The following MCUR1 variants were observed in gnomAD, a reference collection of about 807,000 sequenced individuals.
The protein encoded by MCUR1 is MCU regulator 1.
MCUR1 carries 37 observed loss-of-function variants against 42.0 expected under a neutral mutation model. The observed-to-expected ratio is 0.88, with a 90% confidence interval of 0.68 to 1.16. The LOEUF is 1.16. Ranked by LOEUF, MCUR1 falls within the 50% of genes most tolerant of loss-of-function variation. MCUR1 has a pLI of 0.00. For missense variants in MCUR1, 469 were observed against 468.4 expected (o/e 1.00, Z -0.01); for synonymous variants, 229 against 196.2 (o/e 1.17, Z -1.40).
intron 3 of MCUR1, 87 bp downstream of exon 3, chr6:13,802,156 T>C: frequency 9.7e-7 from 1 of 1,027,928 alleles, no homozygotes; most frequent in East Asian, 2.5e-5. Context: ...CAACGGGGTA[T>C]TATCCAAAAA....
rs1312398863 is a variant in MCUR1, at chr6:13,790,473, T to TC, written c.*335_*336insG. 6.5e-6 allele frequency: 1 copy of TC among 154,520 alleles called. No individual in the cohort carries two copies. Among genetic ancestry groups the TC allele is most frequent in the African/African-American group, 2.4e-5 (1 of 41,498 alleles). 9.6% of individuals were successfully genotyped at this position (154,520 alleles called of 1,614,324 possible). ...ACAATCTGGTATTCCGGTTTTTTTT[T>TC]TTTTTTTGAGACGGAGTCTCGCTCT... On this transcript the variant is annotated 3_prime_UTR_variant, in exon 9 of 9. Transcript: ENST00000379170.
rs370419995 is a variant in MCUR1 at position 13,802,361 on chromosome 6, A to G, written c.536-15T>C. 16 of 1,604,684 alleles carry G rather than the reference A, an allele frequency of 1.0e-5. No homozygotes were observed. The highest frequency in any genetic ancestry group is 1.3e-5 in the Non-Finnish European group (15 of 1,172,482). On this transcript the variant is annotated splice_polypyrimidine_tract_variant and intron_variant, in intron 2 of 8. Transcript: ENST00000379170. Reference sequence around the variant, plus strand: ...AGTAGCAAACCCTAAGCAAGCACACAAGCAAAAAAAATCATGCTCAGAGTT... The same window carrying G: ...AGTAGCAAACCCTAAGCAAGCACACGAGCAAAAAAAATCATGCTCAGAGTT...
chr6:13,794,753 C>G (rs1759815908), intron 6 of MCUR1, among the ~76,000 whole-genome samples: 1 of 151,458 alleles, frequency 6.6e-6, no homozygotes, highest in Non-Finnish European at 1.5e-5. Flanking sequence ...CAGGTTCAAG[C>G]AATTCTCCTG....
At chr6:13,791,045 CTTATT>C (rs1317545428) in intron 8 of MCUR1, among the ~76,000 whole-genome samples, 181 bp from the exon 9 acceptor site, 1 of 152,074 alleles carries the variant, frequency 6.6e-6, no homozygotes, top group African/African-American at 2.4e-5. Context: ...ATTTTATTTT[CTTATT>C]TTAGAGACAT....
At chr6:13,799,367 T>C (rs1259377429) in intron 5 of MCUR1, among the ~76,000 whole-genome samples, 1 of 152,198 alleles carries the variant, frequency 6.6e-6, no homozygotes, top group East Asian at 1.9e-4. Flanking sequence ...GTATGTTTAG[T>C]AGAGATGGGG....
At chr6:13,794,346 G>A (rs1365636085) in intron 6 of MCUR1, among the ~76,000 whole-genome samples, 4 of 151,868 alleles carry the variant, frequency 2.6e-5, no homozygotes, top group African/African-American at 9.7e-5. Flanking sequence ...ATGTCTTTAG[G>A]TCCCTCCCAC....
Position 13,786,858 on chromosome 6 carries a change from TAG to T in MCUR1, c.*3949_*3950del, listed in dbSNP as rs1374173541. On this transcript the variant is annotated 3_prime_UTR_variant, in exon 9 of 9. Coordinates refer to ENST00000379170, the MANE Select transcript of MCUR1 (RefSeq NM_001031713.4). ...CAAAGGAACATAAGTGTAAAATGTGTAGAAAGATAAATATTTTCCAAATAAAA... is the reference window on the plus strand; with the variant it reads ...CAAAGGAACATAAGTGTAAAATGTGTAAAGATAAATATTTTCCAAATAAAA... 2.4e-3 allele frequency: 371 copies of T among 152,294 alleles called. 3 individuals are homozygous for T. Among genetic ancestry groups the T allele is most frequent in the African/African-American group, 8.7e-3 (360 of 41,564 alleles). 9.4% of individuals were successfully genotyped at this position (152,294 alleles called of 1,614,324 possible). A position where few individuals can be genotyped will look rare whatever the true frequency, so the allele number is the denominator to read the frequency against.
At chr6:13,803,520 A>T (rs1455283647) in intron 2 of MCUR1, among the ~76,000 whole-genome samples, 1 of 152,202 alleles carries the variant, frequency 6.6e-6, no homozygotes, top group African/African-American at 2.4e-5. Context: ...TTAATTGTGT[A>T]TTTCTTGGAA....
At chr6:13,807,997 T>C (rs997372310) in intron 1 of MCUR1, among the ~76,000 whole-genome samples, 1 of 152,212 alleles carries the variant, frequency 6.6e-6, no homozygotes, top group African/African-American at 2.4e-5. Flanking sequence ...GTTGAAAACT[T>C]AATCCCCAAA....
chr6:13,797,478 G>A (rs1317478011), intron 6 of MCUR1, among the ~76,000 whole-genome samples: 1 of 151,906 alleles, frequency 6.6e-6, no homozygotes, highest in African/African-American at 2.4e-5. Flanking sequence ...GAAGGCCGAG[G>A]TGGGCGGATC....
At position 13,789,647 on chromosome 6, in the gene MCUR1, C is replaced by T. The variant is rs1429232259; in HGVS notation, c.*1162G>A. On this transcript the variant is annotated 3_prime_UTR_variant, in exon 9 of 9. Coordinates refer to ENST00000379170, the MANE Select transcript of MCUR1 (RefSeq NM_001031713.4). ...GTATCCATCATCTAGGTATCTTATA[C>T]ATGGAGAGCTGACTGCATCCCTTGT... The T allele has an allele frequency of 7.9e-5, 12 of 152,142 alleles. No individual in the cohort carries two copies. The highest frequency in any genetic ancestry group is 5.9e-4 in the Admixed American group (9 of 15,254). The allele number at this position is 152,142 out of a possible 1,614,324, so 9.4% of individuals were successfully genotyped here. A position where few individuals can be genotyped will look rare whatever the true frequency, so the allele number is the denominator to read the frequency against.
Position 13,794,007 on chromosome 6 carries a change from T to C in MCUR1, c.856-60A>G, listed in dbSNP as rs1334449749. 3.3e-6 allele frequency: 5 copies of C among 1,510,604 alleles called. No individual in the cohort carries two copies. In the African/African-American group the frequency reaches 6.9e-5, roughly 21 times the overall value. The allele number at this position is 1,510,604 out of a possible 1,614,324, so 93.6% of individuals were successfully genotyped here. A position where few individuals can be genotyped will look rare whatever the true frequency, so the allele number is the denominator to read the frequency against. ...TCTACTCCTCTCTCTTCTCCTTCTC[T>C]GGTGCCTTAAATATTCTGGTCTCAG... On this transcript the variant is annotated intron_variant, in intron 6 of 8. Coordinates refer to ENST00000379170, the MANE Select transcript of MCUR1 (RefSeq NM_001031713.4).
rs1759673935 is a variant in MCUR1, at chr6:13,789,343, G to C, written c.*1466C>G. 1 of 152,108 alleles carries C rather than the reference G, an allele frequency of 6.6e-6. No homozygotes were observed. Among genetic ancestry groups the C allele is most frequent in the Non-Finnish European group, 1.5e-5 (1 of 68,144 alleles). 9.4% of individuals were successfully genotyped at this position (152,108 alleles called of 1,614,324 possible). On this transcript the variant is annotated 3_prime_UTR_variant, in exon 9 of 9. Coordinates refer to ENST00000379170, the MANE Select transcript of MCUR1 (RefSeq NM_001031713.4). ...TTGAACCCAGGAGGCAGAGGTTGCA[G>C]TGAGCAGAGATCACGACAATGCACT...
At chr6:13,801,936 G>A (rs1474009288) in intron 3 of MCUR1, among the ~76,000 whole-genome samples, 1 of 152,168 alleles carries the variant, frequency 6.6e-6, no homozygotes, top group Non-Finnish European at 1.5e-5. Flanking sequence ...AAAGGGTGGT[G>A]ATGTGAAGAC....
At chr6:13,812,902 C>T (rs1226713814) in intron 1 of MCUR1, among the ~76,000 whole-genome samples, 1 of 152,180 alleles carries the variant, frequency 6.6e-6, no homozygotes, top group East Asian at 1.9e-4. Flanking sequence ...CTTTCCTCAT[C>T]TCCAGGGCAG....
At chr6:13,807,482 G>A (rs1309466055) in intron 1 of MCUR1, among the ~76,000 whole-genome samples, 5 of 152,144 alleles carry the variant, frequency 3.3e-5, no homozygotes, top group African/African-American at 1.2e-4. Context: ...GTTGTAGCAC[G>A]TCAGTACTTT....
At chr6:13,793,818 CA>C in intron 7 of MCUR1, 75 bp downstream of exon 7, 1 of 1,273,092 alleles carries the variant, frequency 7.9e-7, no homozygotes, top group Non-Finnish European at 1.1e-6. Flanking sequence ...TTCCTATTAT[CA>C]TTACAAACAA....
chr6:13,792,374 G>A (rs980147153), intron 7 of MCUR1, among the ~76,000 whole-genome samples: 7 of 152,174 alleles, frequency 4.6e-5, no homozygotes, highest in African/African-American at 1.2e-4. Context: ...CAACGGCTAC[G>A]TCTCATCCTT....
At chr6:13,803,896 A>C in intron 2 of MCUR1, 1 of 980,508 alleles carries the variant, frequency 1.0e-6, no homozygotes, top group Non-Finnish European at 1.2e-6. Flanking sequence ...ACTCTGGGAG[A>C]CCAAGGCGGG....
Sources: allele counts gnomAD v4.1 joint callset (sites outside exome capture counted in the v4.1 genomes callset), GRCh38; gene constraint gnomAD v4.1.1; transcripts MANE v1.5; gene names NCBI Gene and HGNC (gene_info 2026-07-23, HGNC 2026-07-21).